The following REST variants were observed in gnomAD, a reference collection of about 807,000 sequenced individuals.
The protein encoded by REST is RE1-silencing transcription factor.
REST carries 1 observed loss-of-function variant against 30.4 expected under a neutral mutation model. That is an observed-to-expected ratio of 0.03 (90% confidence interval 0.01 to 0.16). The LOEUF is 0.16. Among genes scored for constraint, REST ranks in the 10% least tolerant of loss-of-function variants. The pLI, the probability that REST is intolerant of heterozygous loss-of-function variation, is 1.00. For missense variants in REST, 1,259 were observed against 1,329.5 expected (o/e 0.95, Z 0.82); for synonymous variants, 504 against 451.1 (o/e 1.12, Z -1.49).
chr4:56,929,772 G>A (rs1720880873), intron 3 of REST, 69 bp from the exon 4 acceptor site: 1 of 1,404,534 alleles, frequency 7.1e-7, no homozygotes. Context: ...TACATATACA[G>A]TTCTTTATAT....
In REST at chr4:56,932,320, T is replaced by G. The variant is rs909034757; in HGVS notation, c.*168T>G. The G allele has an allele frequency of 1.0e-5, 7 of 696,974 alleles. No homozygotes were observed. The African/African-American group carries it at 1.3e-4, about 13-fold the overall frequency. The allele number at this position is 696,974 out of a possible 1,614,324, so 43.2% of individuals were successfully genotyped here. A position where few individuals can be genotyped will look rare whatever the true frequency, so the allele number is the denominator to read the frequency against. Reference sequence around the variant, plus strand: ...TTTTATGTATACCTGTTGATTGTTGTGTAAATTTTAGTAAATCTAAGAGAG... The same window carrying G: ...TTTTATGTATACCTGTTGATTGTTGGGTAAATTTTAGTAAATCTAAGAGAG... On this transcript the variant is annotated 3_prime_UTR_variant, in exon 4 of 4. Coordinates refer to ENST00000309042, the MANE Select transcript of REST (RefSeq NM_005612.5).
At chr4:56,928,290 T>G (rs1378787274) in intron 3 of REST, among the ~76,000 whole-genome samples, 1 of 152,154 alleles carries the variant, frequency 6.6e-6, no homozygotes, top group Non-Finnish European at 1.5e-5. Flanking sequence ...GTATTTTTAG[T>G]AGAAACAGGG....
intron 2 of REST, among the ~76,000 whole-genome samples, chr4:56,919,477 A>G (rs536941465): frequency 9.9e-5 from 15 of 152,176 alleles, no homozygotes; most frequent in Non-Finnish European, 1.6e-4. Flanking sequence ...GTACCTTATC[A>G]AGATAGTTTT....
intron 1 of REST, 80 bp from the exon 2 acceptor site, chr4:56,910,550 A>G (rs1483874548): frequency 8.1e-7 from 1 of 1,234,876 alleles, no homozygotes; most frequent in Non-Finnish European, 1.1e-6. Context: ...TAAGTTATGA[A>G]GAATTACAGC....
At chr4:56,919,930 C>T (rs1720371436) in intron 3 of REST, 60 bp downstream of exon 3, 5 of 798,644 alleles carry the variant, frequency 6.3e-6, no homozygotes, top group Middle Eastern at 2.6e-4. Flanking sequence ...TAAGGAAATT[C>T]TTTTAGACTT....
At chr4:56,918,179 C>G (rs1458559512) in intron 2 of REST, among the ~76,000 whole-genome samples, 1 of 150,392 alleles carries the variant, frequency 6.6e-6, no homozygotes, top group Non-Finnish European at 1.5e-5. Context: ...GTCCCTGTGG[C>G]TTTTATAATT....
rs1420954665 is a variant in REST, at chr4:56,934,727, A to G, written c.*2575A>G. On this transcript the variant is annotated 3_prime_UTR_variant, in exon 4 of 4. Transcript: ENST00000309042. Reference sequence around the variant, plus strand: ...TTCTAGTCCCCCTCCCCCACACTGGATAGAATTTAGCCTAGAATTTTCCCT... The same window carrying G: ...TTCTAGTCCCCCTCCCCCACACTGGGTAGAATTTAGCCTAGAATTTTCCCT... 6.6e-6 allele frequency: 1 copy of G among 152,144 alleles called. No homozygotes were observed. Among genetic ancestry groups the G allele is most frequent in the Non-Finnish European group, 1.5e-5 (1 of 68,008 alleles). 9.4% of individuals were successfully genotyped at this position (152,144 alleles called of 1,614,324 possible).
chr4:56,933,843 A>G lies in REST; in HGVS notation c.*1691A>G, dbSNP rs566754619. The G allele has an allele frequency of 1.3e-5, 2 of 152,348 alleles. No homozygotes were observed. Among genetic ancestry groups the G allele is most frequent in the African/African-American group, 4.8e-5 (2 of 41,576 alleles). The allele number at this position is 152,348 out of a possible 1,614,324, so 9.4% of individuals were successfully genotyped here. On this transcript the variant is annotated 3_prime_UTR_variant, in exon 4 of 4. Coordinates refer to ENST00000309042, the MANE Select transcript of REST (RefSeq NM_005612.5). Reference sequence around the variant, plus strand: ...TCCCATACTCCGTTTTGAAATAACCACTTTATATTTCATTTTTTAAAAATC... The same window carrying G: ...TCCCATACTCCGTTTTGAAATAACCGCTTTATATTTCATTTTTTAAAAATC...
chr4:56,924,655 T>C (rs1463488974), intron 3 of REST, among the ~76,000 whole-genome samples: 1 of 150,230 alleles, frequency 6.7e-6, no homozygotes, highest in East Asian at 2.0e-4. Flanking sequence ...AGAGATGGAG[T>C]CTTACTATGT....
chr4:56,916,397 C>T (rs999224921), intron 2 of REST, among the ~76,000 whole-genome samples: 2 of 152,180 alleles, frequency 1.3e-5, no homozygotes, highest in Non-Finnish European at 2.9e-5. Context: ...CGAGATGGCT[C>T]ATGCCTGTAA....
At chr4:56,919,027 C>T (rs1720331391) in intron 2 of REST, among the ~76,000 whole-genome samples, 1 of 151,480 alleles carries the variant, frequency 6.6e-6, no homozygotes, top group Admixed American at 6.6e-5. Flanking sequence ...ACTCAGCCTC[C>T]CGAGTAGCTG....
At chr4:56,910,396 A>G (rs1450696412) in intron 1 of REST, among the ~76,000 whole-genome samples, 4 of 152,230 alleles carry the variant, frequency 2.6e-5, no homozygotes, top group Non-Finnish European at 4.4e-5. Flanking sequence ...TGTGCAAACA[A>G]TTGGTAGAAT....
intron 3 of REST, among the ~76,000 whole-genome samples, chr4:56,923,773 G>A (rs1207372201): frequency 6.6e-6 from 1 of 151,760 alleles, no homozygotes; most frequent in Non-Finnish European, 1.5e-5. Flanking sequence ...CCAGGCTGGA[G>A]TGCAATGGTG....
Position 56,930,899 on chromosome 4 carries a change from G to T in REST, c.2041G>T (p.Val681Leu), listed in dbSNP as rs1720935390. 6.2e-7 allele frequency: 1 copy of T among 1,613,336 alleles called. No individual in the cohort carries two copies. The highest frequency in any genetic ancestry group is 1.3e-5 in the African/African-American group (1 of 74,874). The change falls in exon 4 of 4, where the codon GTA becomes TTA. Residue 681 changes from valine to leucine, a missense_variant. Val to Leu is a conservative substitution (Grantham distance 32). Around this residue, in one of 5 missense-constraint regions of REST, gnomAD observed 856 missense variants for 772.8 expected, o/e 1.11. Transcript: ENST00000309042. ...EPAQMVGAQIVLAHMELPPPM... is the reference protein window; with the variant it reads ...EPAQMVGAQILLAHMELPPPM... ...TGCTCAGATGGTGGGTGCCCAAATT[G>T]TACTTGCTCACATGGAGCTGCCTCC...
At position 56,931,933 on chromosome 4, in the gene REST, G is replaced by T; in HGVS notation, c.3075G>T (p.Glu1025Asp). ...EGSDLSDNMS[E>D]GSDDSGLHGA... Reference sequence around the variant, plus strand: ...GTGACCTAAGTGACAACATGTCAGAGGGTAGTGATGATTCTGGATTGCATG... The same window carrying T: ...GTGACCTAAGTGACAACATGTCAGATGGTAGTGATGATTCTGGATTGCATG... The change falls in exon 4 of 4, where the codon GAG (glutamate) becomes GAT (aspartate). Residue 1025 changes from glutamate to aspartate, a missense_variant. Coordinates refer to ENST00000309042, the MANE Select transcript of REST (RefSeq NM_005612.5). The T allele has an allele frequency of 6.2e-7, 1 of 1,614,222 alleles. No homozygotes were observed. The highest frequency in any genetic ancestry group is 8.5e-7 in the Non-Finnish European group (1 of 1,180,042).
intron 2 of REST, among the ~76,000 whole-genome samples, chr4:56,915,727 C>G (rs1274520162): frequency 6.6e-6 from 1 of 152,090 alleles, no homozygotes; most frequent in Non-Finnish European, 1.5e-5. Flanking sequence ...TGATAGTGTT[C>G]AGGAATTACT....
chr4:56,915,593 A>G (rs966481639), intron 2 of REST, among the ~76,000 whole-genome samples: 2 of 152,122 alleles, frequency 1.3e-5, no homozygotes, highest in African/African-American at 4.8e-5. Context: ...ATTGAAGGTT[A>G]ATATTTTGAT....
chr4:56,931,592 A>T lies in REST; in HGVS notation c.2734A>T (p.Asn912Tyr), dbSNP rs1226231366. ...TGAGAGCCTACCTGGTCTTGCTGCT[A>T]ATATCAACGAATCTACCCATATTTC... ...ADESLPGLAA[N>Y]INESTHISSS... Residue 912 changes from asparagine to tyrosine, a missense_variant, in exon 4 of 4, where the codon AAT becomes TAT. Physicochemically the swap from Asn to Tyr is moderately radical, Grantham distance 143. Transcript: ENST00000309042. The T allele has an allele frequency of 6.2e-7, 1 of 1,614,118 alleles. No homozygotes were observed. The highest frequency in any genetic ancestry group is 8.5e-7 in the Non-Finnish European group (1 of 1,180,054).
In REST at chr4:56,907,954, C is replaced by G. The variant is rs1398939084; in HGVS notation, c.-269C>G. 2.9e-6 allele frequency: 1 copy of G among 339,020 alleles called. No homozygotes were observed. Among genetic ancestry groups the G allele is most frequent in the African/African-American group, 2.2e-5 (1 of 45,932 alleles). The allele number at this position is 339,020 out of a possible 1,614,324, so 21.0% of individuals were successfully genotyped here. A position where few individuals can be genotyped will look rare whatever the true frequency, so the allele number is the denominator to read the frequency against. On this transcript the variant is annotated 5_prime_UTR_variant, in exon 1 of 4. Coordinates refer to ENST00000309042, the MANE Select transcript of REST (RefSeq NM_005612.5). ...GTGCGGCTGCCGCGAGCTCGCGGCG[C>G]AGCAGCGGAGCGAGCGCCGCCGAGG... is the stretch of plus-strand genomic sequence containing the variant.
Sources: allele counts gnomAD v4.1 joint callset (sites outside exome capture counted in the v4.1 genomes callset), GRCh38; gene constraint gnomAD v4.1.1; regional missense constraint gnomAD v4.1.1; transcripts MANE v1.5; gene names NCBI Gene and HGNC (gene_info 2026-07-23, HGNC 2026-07-21).